DNAI1: variants seen among roughly 807,000 people sequenced by gnomAD.
The protein encoded by DNAI1 is dynein axonemal intermediate chain 1, also known as dynein, axonemal, intermediate polypeptide 1.
A neutral mutation model predicts 92.0 loss-of-function variants in DNAI1; 67 were observed. The ratio of observed to expected loss-of-function variants is 0.73; its 90% CI spans 0.60 to 0.89. DNAI1 has a LOEUF of 0.89. Among genes scored for constraint, DNAI1 ranks in the 40% least tolerant of loss-of-function variants. DNAI1 has a pLI of 0.00. For missense variants in DNAI1, 839 were observed against 866.6 expected, an observed-to-expected ratio of 0.97 and a Z score of 0.40; for synonymous variants, 323 against 319.6, an observed-to-expected ratio of 1.01 and a Z score of -0.11.
intron 12 of DNAI1, among the ~76,000 whole-genome samples, chr9:34,502,942 A>C (rs146083703): frequency 2.0e-3 from 309 of 152,258 alleles, no homozygotes; most frequent in Non-Finnish European, 3.4e-3. Context: ...AGAAGTAAAC[A>C]TGCTGCAAGC....
chr9:34,491,869 G>A (rs943222389), intron 8 of DNAI1, among the ~76,000 whole-genome samples: 1 of 152,152 alleles, frequency 6.6e-6, no homozygotes, highest in Non-Finnish European at 1.5e-5. Context: ...GGACTCTCTG[G>A]AACCTGTGGC....
At chr9:34,474,200 A>G (rs1238477109) in intron 1 of DNAI1, among the ~76,000 whole-genome samples, 1 of 152,078 alleles carries the variant, frequency 6.6e-6, no homozygotes, top group East Asian at 1.9e-4. Context: ...GCAATTTTGT[A>G]TATACATCTT....
Position 34,489,446 on chromosome 9 carries a change from G to T in DNAI1, c.385G>T (p.Ala129Ser), listed in dbSNP as rs1403317407. 6.2e-7 allele frequency: 1 copy of T among 1,613,520 alleles called. No individual in the cohort carries two copies. Among genetic ancestry groups the T allele is most frequent in the Non-Finnish European group, 8.5e-7 (1 of 1,179,928 alleles). Residue 129 changes from alanine to serine, a missense_variant, in exon 5 of 20, where the codon GCA becomes TCA. Transcript: ENST00000242317. ...RRQHYRDELV[A>S]GSQESVKVIS... ...GCAGCATTACCGCGATGAATTAGTG[G>T]CAGGTAGGACTCTGGGCCATCCTGA...
At chr9:34,474,162 T>A (rs188231077) in intron 1 of DNAI1, among the ~76,000 whole-genome samples, 12 of 152,330 alleles carry the variant, frequency 7.9e-5, no homozygotes, top group African/African-American at 2.9e-4. Context: ...TTTTCCATTT[T>A]AAAAAATCAC....
At chr9:34,507,388 C>A (rs148312951) in intron 13 of DNAI1, among the ~76,000 whole-genome samples, 6 of 152,064 alleles carry the variant, frequency 3.9e-5, no homozygotes, top group Non-Finnish European at 2.9e-5. Context: ...TGTATCCTTA[C>A]AATTAGGCAA....
rs532132610 is a variant in DNAI1 at position 34,487,721 on chromosome 9, G to A, written c.262-1602G>A. 1.6e-3 allele frequency among the ~76,000 whole-genome samples: 241 copies of A among 152,112 alleles called. 3 individuals are homozygous for A. Among genetic ancestry groups the A allele is most frequent in the Non-Finnish European group, 2.9e-3 (198 of 68,014 alleles). ...CTGGCATTGCCTTGTCAATTTCAACGTACTCTTCTTGCCCCTCATTTAGGA... is the reference window on the plus strand; with the variant it reads ...CTGGCATTGCCTTGTCAATTTCAACATACTCTTCTTGCCCCTCATTTAGGA... On this transcript the variant is annotated intron_variant, in intron 4 of 19. Coordinates refer to ENST00000242317, the MANE Select transcript of DNAI1 (RefSeq NM_012144.4).
chr9:34,514,269 C>T (rs955222700), intron 16 of DNAI1, 125 bp from the exon 17 acceptor site: 30 of 1,302,388 alleles, frequency 2.3e-5, no homozygotes, highest in African/African-American at 2.2e-4. Context: ...AGCTTGGCCC[C>T]AGTTCAGCTG....
intron 10 of DNAI1, 37 bp from the exon 11 acceptor site, chr9:34,500,685 G>A (rs1350457248): frequency 6.6e-7 from 1 of 1,511,814 alleles, no homozygotes; most frequent in Non-Finnish European, 9.2e-7. Flanking sequence ...CCATAAAGCG[G>A]CAGTCCCAGG....
intron 13 of DNAI1, among the ~76,000 whole-genome samples, chr9:34,507,865 G>A (rs1342365361): frequency 1.3e-5 from 2 of 152,160 alleles, no homozygotes; most frequent in Admixed American, 6.5e-5. Context: ...TGGGGCCTCT[G>A]CAGAAGTCTG....
chr9:34,475,708 A>T (rs994187703), intron 1 of DNAI1, among the ~76,000 whole-genome samples: 1 of 152,194 alleles, frequency 6.6e-6, no homozygotes, highest in Admixed American at 6.5e-5. Context: ...CAAAGAAGAC[A>T]ATTAACTTGC....
At chr9:34,487,912 T>C (rs1428640189) in intron 4 of DNAI1, 4 of 208,858 alleles carry the variant, frequency 1.9e-5, no homozygotes, top group Admixed American at 1.2e-4. Context: ...AGGTAGATGG[T>C]TCTGATCTAG....
rs146501326 is a variant in DNAI1 at position 34,459,045 on chromosome 9, C to T, written c.40C>T (p.His14Tyr). 9.5e-5 allele frequency: 154 copies of T among 1,614,046 alleles called. 2 individuals are homozygous for T. In the African/African-American group the frequency reaches 1.8e-3, roughly 19 times the overall value. ...ASAKAPHKQP[H>Y]KQSISIGRGT... Reference sequence around the variant, plus strand: ...TGCGAAGGCTCCCCATAAACAGCCTCATAAGCAGGTAACGTACGCACACCT... The same window carrying T: ...TGCGAAGGCTCCCCATAAACAGCCTTATAAGCAGGTAACGTACGCACACCT... The change falls in exon 1 of 20, where the codon CAT becomes TAT. Residue 14 changes from histidine to tyrosine, a missense_variant. Physicochemically the swap from His to Tyr is moderately conservative, Grantham distance 83. Coordinates refer to ENST00000242317, the MANE Select transcript of DNAI1 (RefSeq NM_012144.4).
At chr9:34,490,185 C>A in intron 6 of DNAI1, 61 bp downstream of exon 6, 1 of 1,613,346 alleles carries the variant, frequency 6.2e-7, no homozygotes, top group Non-Finnish European at 8.5e-7. Flanking sequence ...ATGGAGGCTT[C>A]ATGGGTAACT....
Position 34,514,410 on chromosome 9 carries a change from C to T in DNAI1, c.1586C>T (p.Ser529Phe), listed in dbSNP as rs781285289. The T allele has an allele frequency of 2.4e-5, 39 of 1,614,066 alleles. No individual in the cohort carries two copies. The highest frequency in any genetic ancestry group is 3.0e-5 in the Non-Finnish European group (35 of 1,180,060). The change falls in exon 17 of 20, where the codon TCC (serine) becomes TTC (phenylalanine). Residue 529 changes from serine (S) to phenylalanine (F), a missense_variant. By Grantham distance (155) the Ser-to-Phe change is radical. Transcript: ENST00000242317. ...GKIYKCSKSY[S>F]SQFLDTYDAH... The stretch of plus-strand genomic sequence containing the variant: ...CCCGACCAGTGCTCTAAATCCTACT[C>T]CAGCCAATTCCTCGACACCTATGAC...
chr9:34,489,919 G>A (rs1474175872), intron 5 of DNAI1, 93 bp from the exon 6 acceptor site: 1 of 1,559,786 alleles, frequency 6.4e-7, no homozygotes, highest in Non-Finnish European at 8.7e-7. Context: ...CTCAGGCCAA[G>A]GAAAACCCCA....
intron 1 of DNAI1, among the ~76,000 whole-genome samples, chr9:34,468,494 GGTTTTGTTTTGTTTT>G (rs139327447): frequency 6.6e-6 from 1 of 151,264 alleles, no homozygotes; most frequent in African/African-American, 2.4e-5. Context: ...CGGCCAAGAA[GGTTTTGTTTTGTTTT>G]GTTTTGTTTT....
chr9:34,462,953 G>A (rs902699813), intron 1 of DNAI1, among the ~76,000 whole-genome samples: 1 of 152,184 alleles, frequency 6.6e-6, no homozygotes, highest in African/African-American at 2.4e-5. Context: ...TGGAGGTAAA[G>A]TGGCAATAAA....
intron 10 of DNAI1, 70 bp downstream of exon 10, chr9:34,497,269 T>C (rs770885911): frequency 1.6e-6 from 2 of 1,237,084 alleles, no homozygotes; most frequent in African/African-American, 1.5e-5. Flanking sequence ...GCTTGGGTTA[T>C]TTGGGTGTCT....
chr9:34,461,929 G>T (rs1823958694), intron 1 of DNAI1, among the ~76,000 whole-genome samples: 3 of 152,182 alleles, frequency 2.0e-5, no homozygotes, highest in Admixed American at 1.3e-4. Context: ...CCCTGGGGAT[G>T]AAGGGGAGAG....
Sources: allele counts gnomAD v4.1 joint callset (sites outside exome capture counted in the v4.1 genomes callset), GRCh38; gene constraint gnomAD v4.1.1; transcripts MANE v1.5; gene names NCBI Gene and HGNC (gene_info 2026-07-23, HGNC 2026-07-21).